The following XCR1 variants were observed in gnomAD, a reference collection of about 807,000 sequenced individuals.
XCR1 encodes chemokine XC receptor 1.
For missense variants in XCR1, 356 were observed against 424.2 expected (o/e 0.84, Z 1.41); for synonymous variants, 187 against 188.5 (o/e 0.99, Z 0.06).
intron 4 of XCR1, among the ~76,000 whole-genome samples, chr3:46,058,718 C>G (rs936481595): frequency 1.3e-5 from 2 of 152,088 alleles, no homozygotes; most frequent in South Asian, 4.1e-4. Context: ...CGGGTGCCAC[C>G]ATGCCCAGCT....
intron 4 of XCR1, among the ~76,000 whole-genome samples, chr3:46,058,856 T>C (rs1420922102): frequency 6.6e-6 from 1 of 152,228 alleles, no homozygotes; most frequent in Non-Finnish European, 1.5e-5. Flanking sequence ...TGAGCCATGA[T>C]GACCGGCCAT....
At chr3:46,059,669 C>T (rs1233015432) in intron 4 of XCR1, among the ~76,000 whole-genome samples, 1 of 152,154 alleles carries the variant, frequency 6.6e-6, no homozygotes, top group Non-Finnish European at 1.5e-5. Context: ...GAAATGGTGC[C>T]TGGCTACTTT....
intron 2 of XCR1, among the ~76,000 whole-genome samples, chr3:46,076,696 G>A (rs932613076): frequency 1.4e-4 from 21 of 152,166 alleles, no homozygotes; most frequent in Admixed American, 1.3e-4. Flanking sequence ...TCTATGCTGG[G>A]GCATAGAAAA....
upstream of XCR1, among the ~76,000 whole-genome samples, chr3:46,030,420 T>C (rs1312248440): frequency 6.6e-6 from 1 of 152,248 alleles, no homozygotes; most frequent in Non-Finnish European, 1.5e-5. Context: ...CTTGAGTTTA[T>C]TGTATGGAAA....
intron 3 of XCR1, among the ~76,000 whole-genome samples, chr3:46,073,385 T>C (rs1698194914): frequency 6.6e-6 from 1 of 152,110 alleles, no homozygotes; most frequent in African/African-American, 2.4e-5. Flanking sequence ...ACTTGAGGCC[T>C]GGAGTTCCAG....
At chr3:46,085,655 G>C (rs1036759770) in intron 1 of XCR1, among the ~76,000 whole-genome samples, 9 of 152,172 alleles carry the variant, frequency 5.9e-5, no homozygotes, top group Non-Finnish European at 1.2e-4. Context: ...CCTGTGCACT[G>C]TTCCCCAATA....
In XCR1 at chr3:46,018,949, C is replaced by G. The variant is rs189067951; in HGVS notation, c.*1997G>C. The G allele has an allele frequency of 6.7e-6, 1 of 149,520 alleles. No individual in the cohort carries two copies. The highest frequency in any genetic ancestry group is 1.5e-5 in the Non-Finnish European group (1 of 67,016). 9.3% of individuals were successfully genotyped at this position (149,520 alleles called of 1,614,324 possible). ...GTGCATGTCAGAATCGCATGGGAAG[C>G]TTTTCCAAATCCCCACGCCAGAGCC... On this transcript the variant is annotated 3_prime_UTR_variant, in exon 2 of 2. Transcript: ENST00000309285.
chr3:46,031,791 A>C (rs765508945), upstream of XCR1, among the ~76,000 whole-genome samples: 3 of 152,198 alleles, frequency 2.0e-5, no homozygotes, highest in Non-Finnish European at 4.4e-5. Flanking sequence ...CCCTGGACTC[A>C]GCCAGATTTG....
At chr3:46,058,438 C>T (rs956929493) in intron 4 of XCR1, among the ~76,000 whole-genome samples, 39 of 152,160 alleles carry the variant, frequency 2.6e-4, no homozygotes, top group Non-Finnish European at 5.9e-5. Context: ...TTAAAGAAAC[C>T]CTGTCTCTGT....
At chr3:46,048,395 C>T (rs1018738132) in intron 5 of XCR1, among the ~76,000 whole-genome samples, 1 of 152,184 alleles carries the variant, frequency 6.6e-6, no homozygotes, top group Non-Finnish European at 1.5e-5. Context: ...CCCTGACACT[C>T]CAGTAGTTTC....
intron 5 of XCR1, among the ~76,000 whole-genome samples, chr3:46,051,084 G>A (rs1003561710): frequency 3.9e-5 from 6 of 152,128 alleles, no homozygotes; most frequent in African/African-American, 1.4e-4. Context: ...CTAATGGTAA[G>A]GGCTTAGGCG....
chr3:46,043,482 A>C (rs1293576773), intron 5 of XCR1, among the ~76,000 whole-genome samples: 1 of 152,044 alleles, frequency 6.6e-6, no homozygotes, highest in African/African-American at 2.4e-5. Flanking sequence ...ATGACTAAGA[A>C]ATACTTCAAC....
intron 5 of XCR1, among the ~76,000 whole-genome samples, chr3:46,037,341 T>C (rs2125896822): frequency 6.6e-6 from 1 of 152,116 alleles, no homozygotes; most frequent in South Asian, 2.1e-4. Flanking sequence ...GAGAGAGATA[T>C]GAAGAAAGTT....
chr3:46,060,347 T>A (rs1057226738), intron 4 of XCR1, among the ~76,000 whole-genome samples: 2 of 152,206 alleles, frequency 1.3e-5, no homozygotes, highest in Admixed American at 6.5e-5. Flanking sequence ...CCATTGACTT[T>A]AATCACAGGA....
chr3:46,062,621 T>C (rs1267614930), intron 4 of XCR1, among the ~76,000 whole-genome samples: 1 of 152,262 alleles, frequency 6.6e-6, no homozygotes, highest in Non-Finnish European at 1.5e-5. Context: ...TTGGGAATTT[T>C]CCCCAATAGT....
intron 1 of XCR1, among the ~76,000 whole-genome samples, chr3:46,026,185 T>C (rs951312773): frequency 6.6e-6 from 1 of 152,220 alleles, no homozygotes; most frequent in African/African-American, 2.4e-5. Flanking sequence ...ATAAAAATCA[T>C]TCATTTTTTT....
At chr3:46,035,779 C>A (rs9819293) in intron 5 of XCR1, among the ~76,000 whole-genome samples, 2,875 of 152,234 alleles carry the variant, frequency 0.019, 78 homozygotes, top group African/African-American at 0.059. Flanking sequence ...TTGAACAAGC[C>A]CAACTGACAG....
intron 1 of XCR1, chr3:46,023,695 T>A: frequency 6.6e-7 from 1 of 1,508,456 alleles, no homozygotes; most frequent in Non-Finnish European, 9.1e-7. Flanking sequence ...TCAGGGGATC[T>A]TTGACAGGGA....
intron 5 of XCR1, among the ~76,000 whole-genome samples, chr3:46,038,119 C>T (rs565252060): frequency 3.2e-4 from 48 of 151,494 alleles, no homozygotes; most frequent in Non-Finnish European, 4.4e-4. Context: ...ACTCTGCCTC[C>T]CAGGTTCAAG....
Sources: gnomAD v4.1 joint callset for allele counts (sites outside exome capture counted in the v4.1 genomes callset) on GRCh38, gnomAD v4.1.1 for gene constraint, MANE v1.5 for transcripts, NCBI Gene and HGNC (gene_info 2026-07-23, HGNC 2026-07-21) for gene names.